The following SPTBN2 variants were observed in gnomAD, a reference collection of about 807,000 sequenced individuals.
SPTBN2 encodes the protein spectrin beta chain, non-erythrocytic 2.
A neutral mutation model predicts 284.2 loss-of-function variants in SPTBN2; 107 were observed. The ratio of observed to expected loss-of-function variants is 0.38; its 90% CI spans 0.32 to 0.44. The LOEUF is 0.44. Among genes scored for constraint, SPTBN2 ranks in the 20% least tolerant of loss-of-function variants. The pLI is 1.00. For synonymous variants in SPTBN2, 1,289 were observed against 1,354.8 expected, an observed-to-expected ratio of 0.95 and a Z score of 1.07; for missense variants, 2,569 against 3,287.1, an observed-to-expected ratio of 0.78 and a Z score of 5.34.
Position 66,691,166 on chromosome 11 carries a change from G to A in SPTBN2, c.5565+118C>T, listed in dbSNP as rs964671668. The A allele has an allele frequency of 7.2e-6, 10 of 1,382,122 alleles. No individual in the cohort carries two copies. Among genetic ancestry groups the A allele is most frequent in the Middle Eastern group, 2.6e-4 (1 of 3,828 alleles). 85.6% of individuals were successfully genotyped at this position (1,382,122 alleles called of 1,614,324 possible). On this transcript the variant is annotated intron_variant, in intron 27 of 37. Coordinates refer to ENST00000533211, the MANE Select transcript of SPTBN2 (RefSeq NM_006946.4). This position sits in a 1 kb window ranked among gnomAD's most constrained non-coding sequence, Gnocchi z 8.0. The stretch of plus-strand genomic sequence containing the variant: ...ATTTCCTCATCTCGAAATGGCCCTC[G>A]AAAGAGTGCCGTCCTCCCAGCATTT...
rs1356452265 is a variant in SPTBN2 at position 66,728,963 on chromosome 11, A to G, written c.-336T>C. ...CGGCTCTCCCTCCCAGAACATCTCC[A>G]TGGCACAGTGAAGATTCGTCTTCTA... On this transcript the variant is annotated 5_prime_UTR_variant, in exon 1 of 38. The change abolishes an upstream ATG in the 5' untranslated region. Transcript: ENST00000533211. 2 of 151,894 alleles carry G rather than the reference A, an allele frequency of 1.3e-5. No individual in the cohort carries two copies. Among genetic ancestry groups the G allele is most frequent in the Admixed American group, 6.6e-5 (1 of 15,216 alleles). 9.4% of individuals were successfully genotyped at this position (151,894 alleles called of 1,614,324 possible).
intron 8 of SPTBN2, among the ~76,000 whole-genome samples, chr11:66,713,329 G>A (rs1257947240): frequency 6.6e-6 from 1 of 151,334 alleles, no homozygotes; most frequent in Non-Finnish European, 1.5e-5. Context: ...TTGGGGGGGA[G>A]GGGTAGTCAT....
chr11:66,686,723 C>G, intron 36 of SPTBN2: 5 of 634,162 alleles, frequency 7.9e-6, no homozygotes, highest in Non-Finnish European at 1.4e-5. Context: ...GGAGGTCTTC[C>G]CAGATCCCTA....
chr11:66,707,836 A>AGAGGAGGTGT lies in SPTBN2; in HGVS notation c.1351-28_1351-19dup. On this transcript the variant is annotated intron_variant, in intron 12 of 37. Coordinates refer to ENST00000533211, the MANE Select transcript of SPTBN2 (RefSeq NM_006946.4). The surrounding 1 kb of genome is among the most constrained non-coding windows in gnomAD (Gnocchi z 4.9). ...AAGTTGTCCTGTGTCGGGGGCAGGG[A>AGAGGAGGTGT]GAGGAGGTGTGGGGACCAAGGGACA... 6.2e-7 allele frequency: 1 copy of AGAGGAGGTGT among 1,605,980 alleles called. No homozygotes were observed.
In SPTBN2 at chr11:66,707,604, G is replaced by C; in HGVS notation, c.1565C>G (p.Ala522Gly). The C allele has an allele frequency of 6.2e-7, 1 of 1,611,584 alleles. No individual in the cohort carries two copies. The highest frequency in any genetic ancestry group is 8.5e-7 in the Non-Finnish European group (1 of 1,180,002). Residue 522 changes from alanine (A) to glycine (G), a missense_variant, in exon 13 of 38, where the codon GCC becomes GGC. Around this residue, in one of 6 missense-constraint regions of SPTBN2, gnomAD observed 1,012 missense variants for 1,248.9 expected, o/e 0.81. Transcript: ENST00000533211. This position sits in a 1 kb window ranked among gnomAD's most constrained non-coding sequence, Gnocchi z 4.9. The part of the protein sequence containing the change: ...LWDFLRQMVA[A>G]RRERLLLNLE... ...GTTGAGGAGGAGCCGCTCCCGCCGG[G>C]CGGCCACCATCTGCCGCAAGAAGTC... is the stretch of plus-strand genomic sequence containing the variant.
Position 66,707,834 on chromosome 11 carries a change from G to A in SPTBN2, c.1351-16C>T. ...CAAAGTTGTCCTGTGTCGGGGGCAG[G>A]GAGAGGAGGTGTGGGGACCAAGGGA... is the stretch of plus-strand genomic sequence containing the variant. On this transcript the variant is annotated splice_polypyrimidine_tract_variant and intron_variant, in intron 12 of 37. Transcript: ENST00000533211. The surrounding 1 kb of genome is among the most constrained non-coding windows in gnomAD (Gnocchi z 4.9). 1 of 1,606,358 alleles carries A rather than the reference G, an allele frequency of 6.2e-7. No homozygotes were observed. The highest frequency in any genetic ancestry group is 1.1e-5 in the South Asian group (1 of 90,960).
At chr11:66,743,999 T>C (rs1334050025) in intron 1 of SPTBN2, among the ~76,000 whole-genome samples, 1 of 152,132 alleles carries the variant, frequency 6.6e-6, no homozygotes, top group Non-Finnish European at 1.5e-5. Context: ...TAGCTGGGAT[T>C]ACAGGCGCCC....
intron 1 of SPTBN2, among the ~76,000 whole-genome samples, chr11:66,740,060 C>T (rs1942885773): frequency 6.6e-6 from 1 of 152,140 alleles, no homozygotes; most frequent in South Asian, 2.1e-4. Context: ...AGGGCAGAAC[C>T]ACTTTGTGAT....
intron 1 of SPTBN2, among the ~76,000 whole-genome samples, chr11:66,734,342 G>A (rs1942838080): frequency 2.0e-5 from 3 of 152,030 alleles, no homozygotes; most frequent in African/African-American, 7.2e-5. Context: ...AAACCCTTCA[G>A]TGGCTCCCCA....
At chr11:66,716,550 A>G (rs1942160718) in intron 3 of SPTBN2, among the ~76,000 whole-genome samples, 2 of 152,176 alleles carry the variant, frequency 1.3e-5, no homozygotes, top group Admixed American at 1.3e-4. Flanking sequence ...TTTCATCCTC[A>G]GAAACCATGG....
chr11:66,696,534 G>T lies in SPTBN2; in HGVS notation c.4021C>A (p.Arg1341=). 6.2e-7 allele frequency: 1 copy of T among 1,611,188 alleles called. No individual in the cohort carries two copies. Residue 1341 remains arginine, a synonymous_variant, in exon 21 of 38, where the codon CGA becomes AGA. Coordinates refer to ENST00000533211, the MANE Select transcript of SPTBN2 (RefSeq NM_006946.4). ...TCTGGCTTCTCAAGGGTGAGCTCTCGCCCTTCCTGGAAGGCAGGACAGAAA... is the reference window on the plus strand; with the variant it reads ...TCTGGCTTCTCAAGGGTGAGCTCTCTCCCTTCCTGGAAGGCAGGACAGAAA... ...DWLDKVDKEG[R]ELTLEKPELK...
Position 66,710,833 on chromosome 11 carries a change from C to T in SPTBN2, c.886-64G>A. 2 of 1,611,440 alleles carry T rather than the reference C, an allele frequency of 1.2e-6. No individual in the cohort carries two copies. The highest frequency in any genetic ancestry group is 1.7e-6 in the Non-Finnish European group (2 of 1,178,418). ...CAGGGTCCCTGGCCCAGTCCTGCAG[C>T]TCCACCCTGCCCTTGCACTAGGGCA... is the stretch of plus-strand genomic sequence containing the variant. On this transcript the variant is annotated intron_variant, in intron 9 of 37. Transcript: ENST00000533211. The surrounding 1 kb of genome is among the most constrained non-coding windows in gnomAD (Gnocchi z 4.9).
At chr11:66,711,127 G>A in intron 8 of SPTBN2, 98 bp from the exon 9 acceptor site, 1 of 932,236 alleles carries the variant, frequency 1.1e-6, no homozygotes, top group Non-Finnish European at 1.8e-6. Flanking sequence ...CTCCAAGGCT[G>A]ACATCTCTCC....
chr11:66,723,543 CCTAAAGAGAAAATGTGCACAAA>C (rs1259275180), intron 1 of SPTBN2, among the ~76,000 whole-genome samples: 1 of 152,028 alleles, frequency 6.6e-6, no homozygotes, highest in Non-Finnish European at 1.5e-5. Context: ...TCCCCTTTCT[CCTAAAGAGAAAATGTGCACAAA>C]GATTTTTCTT....
Position 66,701,589 on chromosome 11 carries a change from G to A in SPTBN2, c.2811C>T (p.Asn937=), listed in dbSNP as rs1346165032. The change falls in exon 16 of 38, where the codon AAC becomes AAT. Residue 937 remains asparagine (N), a synonymous_variant. Transcript: ENST00000533211. ...DRIVNTQEQL[N]HRWQQFRRLA... ...TCCTGCCCTCCCAAACCCACCTGTG[G>A]TTGAGCTGCTCCTGGGTGTTGACAA... The A allele has an allele frequency of 8.1e-6, 13 of 1,614,086 alleles. No individual in the cohort carries two copies. Among genetic ancestry groups the A allele is most frequent in the Non-Finnish European group, 1.1e-5 (13 of 1,180,028 alleles).
chr11:66,705,514 G>C (rs775877780), intron 14 of SPTBN2, 46 bp from the exon 15 acceptor site: 19 of 1,611,274 alleles, frequency 1.2e-5, no homozygotes, highest in East Asian at 8.9e-5. Context: ...CCAGCCCTCC[G>C]GCTGCTCCCT....
rs1940325108 is a variant in SPTBN2, at chr11:66,688,741, A to C, written c.6143T>G (p.Val2048Gly). ...SAELGCTVDE[V>G]ESLIKRHEAF... Reference sequence around the variant, plus strand: ...CTCGTGCCGCTTGATGAGGCTCTCAACTTCGTCGACCGTGCAACCCAGCTC... The same window carrying C: ...CTCGTGCCGCTTGATGAGGCTCTCACCTTCGTCGACCGTGCAACCCAGCTC... Residue 2048 changes from valine to glycine, a missense_variant, in exon 31 of 38, where the codon GTT becomes GGT. Physicochemically the swap from Val to Gly is moderately radical, Grantham distance 109 (BLOSUM62 -3). Around this residue, in one of 6 missense-constraint regions of SPTBN2, gnomAD observed 1,130 missense variants for 1,317.3 expected, o/e 0.86. Coordinates refer to ENST00000533211, the MANE Select transcript of SPTBN2 (RefSeq NM_006946.4). The C allele has an allele frequency of 1.9e-6, 3 of 1,613,570 alleles. No homozygotes were observed. The highest frequency in any genetic ancestry group is 2.5e-6 in the Non-Finnish European group (3 of 1,180,034).
rs756595661 is a variant in SPTBN2 at position 66,715,866 on chromosome 11, C to G, written c.273G>C (p.Leu91=). The change falls in exon 4 of 38, where the codon CTG becomes CTC. Residue 91 remains leucine (L), a synonymous_variant. Transcript: ENST00000533211. The surrounding 1 kb of genome is among the most constrained non-coding windows in gnomAD (Gnocchi z 5.3). ...CCGAGAGCACCTCGAGGAGCCTCAG[C>G]AGGTTGCGTCCGTCCCGGAGGTCGC... The part of the protein sequence containing the change: ...LYSDLRDGRN[L]LRLLEVLSGE... The G allele has an allele frequency of 6.2e-7, 1 of 1,614,080 alleles. No individual in the cohort carries two copies. The highest frequency in any genetic ancestry group is 8.5e-7 in the Non-Finnish European group (1 of 1,179,996).
At chr11:66,734,098 T>C (rs144247784), upstream of SPTBN2, among the ~76,000 whole-genome samples, 1 of 152,054 alleles carries the variant, frequency 6.6e-6, no homozygotes, top group Non-Finnish European at 1.5e-5. Context: ...CCCTGCTTCT[T>C]GAAATTTTCT....
Sources: gnomAD v4.1 joint callset for allele counts (sites outside exome capture counted in the v4.1 genomes callset) on GRCh38, gnomAD v4.1.1 for gene constraint, gnomAD v4.1.1 regional missense constraint, Gnocchi (gnomAD v3.1) non-coding constraint, MANE v1.5 for transcripts, NCBI Gene and HGNC (gene_info 2026-07-23, HGNC 2026-07-21) for gene names.